LRRTM3: variants seen among roughly 807,000 people sequenced by gnomAD.
LRRTM3 encodes leucine rich repeat transmembrane neuronal 3.
LRRTM3 carries 24 observed loss-of-function variants against 44.7 expected under a neutral mutation model. The observed-to-expected ratio is 0.54, with a 90% CI of 0.39 to 0.76. The LOEUF is 0.76. Ranked by LOEUF, LRRTM3 falls within the 30% of genes least tolerant of loss-of-function variation. LRRTM3 has a pLI of 0.00. For synonymous variants in LRRTM3, 277 were observed against 278.7 expected, an observed-to-expected ratio of 0.99 and a Z score of 0.06; for missense variants, 587 against 702.2, an observed-to-expected ratio of 0.84 and a Z score of 1.85.
At chr10:67,047,206 T>C (rs1854808612) in intron 2 of LRRTM3, among the ~76,000 whole-genome samples, 1 of 152,198 alleles carries the variant, frequency 6.6e-6, no homozygotes, top group South Asian at 2.1e-4. Context: ...TAACATTTTT[T>C]CTGGAGCCTT....
At chr10:66,983,928 A>C (rs548630558) in intron 2 of LRRTM3, among the ~76,000 whole-genome samples, 6 of 152,210 alleles carry the variant, frequency 3.9e-5, no homozygotes, top group African/African-American at 1.4e-4. Context: ...GCACTATGTC[A>C]TTTAATTCTT....
At chr10:67,024,014 C>A (rs1853193288) in intron 2 of LRRTM3, among the ~76,000 whole-genome samples, 1 of 152,140 alleles carries the variant, frequency 6.6e-6, no homozygotes. Context: ...AACATATTAC[C>A]ACAAATTTAG....
chr10:66,935,442 T>A (rs1393943804), intron 2 of LRRTM3, among the ~76,000 whole-genome samples: 1 of 152,042 alleles, frequency 6.6e-6, no homozygotes, highest in Non-Finnish European at 1.5e-5. Flanking sequence ...GGATTTTGCC[T>A]AATGTATTCA....
At chr10:67,022,171 G>T (rs978964787) in intron 2 of LRRTM3, among the ~76,000 whole-genome samples, 2 of 152,086 alleles carry the variant, frequency 1.3e-5, no homozygotes, top group African/African-American at 4.8e-5. Context: ...AACAAGAAGA[G>T]AAGACAACTT....
chr10:67,081,869 T>G (rs1857076401), intron 2 of LRRTM3, among the ~76,000 whole-genome samples: 2 of 152,198 alleles, frequency 1.3e-5, no homozygotes, highest in Non-Finnish European at 2.9e-5. Context: ...GGAGCCAGTA[T>G]ATAGCCCTGT....
chr10:67,036,307 T>A (rs1323385626), intron 2 of LRRTM3, among the ~76,000 whole-genome samples: 1 of 151,800 alleles, frequency 6.6e-6, no homozygotes, highest in Non-Finnish European at 1.5e-5. Context: ...TTTGCTCTTG[T>A]TGCCCAGGCT....
At chr10:67,096,698 T>C (rs549229916) in intron 2 of LRRTM3, among the ~76,000 whole-genome samples, 1 of 152,006 alleles carries the variant, frequency 6.6e-6, no homozygotes, top group East Asian at 1.9e-4. Flanking sequence ...TGTAACTGTG[T>C]TTCCCTTCTC....
At chr10:67,003,927 T>C (rs1925615) in intron 2 of LRRTM3, among the ~76,000 whole-genome samples, 80,086 of 151,986 alleles carry the variant, frequency 0.53, 21,829 homozygotes, top group Middle Eastern at 0.73. Context: ...GCACATGTTT[T>C]TTATTGCATG....
intron 2 of LRRTM3, among the ~76,000 whole-genome samples, chr10:66,945,672 T>G (rs1432544030): frequency 2.0e-5 from 3 of 152,226 alleles, no homozygotes; most frequent in Non-Finnish European, 4.4e-5. Context: ...GCTTTCAACC[T>G]ATTTCAGCTT....
chr10:66,978,541 A>ATAAAATAAAAATAAAAAAAT (rs1437563245), intron 2 of LRRTM3, among the ~76,000 whole-genome samples: 9 of 111,194 alleles, frequency 8.1e-5, no homozygotes, highest in Non-Finnish European at 1.1e-4. Flanking sequence ...AAAAAAAAAA[A>ATAAAATAAAAATAAAAAAAT]AAAAAAAAAA....
At chr10:67,032,507 G>A (rs1194541446) in intron 2 of LRRTM3, among the ~76,000 whole-genome samples, 1 of 152,180 alleles carries the variant, frequency 6.6e-6, no homozygotes, top group Non-Finnish European at 1.5e-5. Context: ...TATAGTTAAT[G>A]AGAAGATATC....
intron 2 of LRRTM3, among the ~76,000 whole-genome samples, chr10:67,008,568 C>T (rs1477895049): frequency 6.6e-6 from 1 of 152,106 alleles, no homozygotes; most frequent in Non-Finnish European, 1.5e-5. Context: ...CAATTCTCAT[C>T]GGGGCTGGCC....
rs1411872894 is a variant in LRRTM3 at position 66,970,500 on chromosome 10, GGT to G, written c.1536+42050_1536+42051del. Among the ~76,000 whole-genome samples the G allele has an allele frequency of 5.9e-3, 744 of 127,176 alleles. 8 individuals carry two copies. Among genetic ancestry groups the G allele is most frequent in the African/African-American group, 0.02 (707 of 35,474 alleles). 83.4% of individuals were successfully genotyped at this position (127,176 alleles called of 152,430 possible). A position where few individuals can be genotyped will look rare whatever the true frequency, so the allele number is the denominator to read the frequency against. On this transcript the variant is annotated intron_variant, in intron 2 of 2. Coordinates refer to ENST00000361320, the MANE Select transcript of LRRTM3 (RefSeq NM_178011.5). ...ACTCCACAAAAGGTCTATATTCTTG[GGT>G]GGGGGGGGGATACAATTCTTCTATT...
At chr10:66,940,327 C>T (rs1847932910) in intron 2 of LRRTM3, among the ~76,000 whole-genome samples, 1 of 151,862 alleles carries the variant, frequency 6.6e-6, no homozygotes, top group Non-Finnish European at 1.5e-5. Flanking sequence ...GGCCTCATCT[C>T]TACAAAAAAT....
intron 2 of LRRTM3, among the ~76,000 whole-genome samples, chr10:67,066,195 C>CTTTTTTTTT (rs71006118): frequency 2.4e-5 from 3 of 123,076 alleles, no homozygotes; most frequent in African/African-American, 9.7e-5. Flanking sequence ...AAGTCACTGG[C>CTTTTTTTTT]TTTTTTTTTT....
At chr10:67,027,367 T>G (rs1424437833) in intron 2 of LRRTM3, among the ~76,000 whole-genome samples, 1 of 152,120 alleles carries the variant, frequency 6.6e-6, no homozygotes, top group African/African-American at 2.4e-5. Flanking sequence ...ATTACTTTAA[T>G]GACTCAGAAA....
chr10:66,931,046 T>A (rs974530612), intron 2 of LRRTM3, among the ~76,000 whole-genome samples: 4 of 152,108 alleles, frequency 2.6e-5, no homozygotes, highest in African/African-American at 9.7e-5. Flanking sequence ...CTCACCTCCA[T>A]CCCATGGTAC....
chr10:67,060,320 A>T (rs2133216080), intron 2 of LRRTM3, among the ~76,000 whole-genome samples: 1 of 152,302 alleles, frequency 6.6e-6, no homozygotes. Flanking sequence ...CTCAAAGAAA[A>T]GTCTTTTTAA....
intron 2 of LRRTM3, among the ~76,000 whole-genome samples, chr10:66,990,785 T>C (rs981548796): frequency 1.3e-5 from 2 of 152,202 alleles, no homozygotes; most frequent in African/African-American, 4.8e-5. Flanking sequence ...AATTGAATTA[T>C]GTAACCAAAA....
Sources: gnomAD v4.1 joint callset for allele counts (sites outside exome capture counted in the v4.1 genomes callset) on GRCh38, gnomAD v4.1.1 for gene constraint, MANE v1.5 for transcripts, NCBI Gene and HGNC (gene_info 2026-07-23, HGNC 2026-07-21) for gene names.